The following RYR2 variants were observed in gnomAD, a reference collection of about 807,000 sequenced individuals.
The protein encoded by RYR2 is cardiac muscle ryanodine receptor-calcium release channel.
A neutral mutation model predicts 601.1 loss-of-function variants in RYR2; 227 were observed. The ratio of observed to expected loss-of-function variants is 0.38; its 90% confidence interval spans 0.34 to 0.42. The LOEUF is 0.42. Ranked by LOEUF, RYR2 falls within the 10% of genes least tolerant of loss-of-function variation. The pLI, the probability that RYR2 is intolerant of heterozygous loss-of-function variation, is 1.00. For missense variants in RYR2, 4,646 were observed against 6,156.5 expected, an observed-to-expected ratio of 0.75 and a Z score of 8.21; for synonymous variants, 2,223 against 2,175.1, an observed-to-expected ratio of 1.02 and a Z score of -0.61.
At chr1:237,454,603 T>C in intron 15 of RYR2, 29 bp downstream of exon 15, 1 of 1,601,980 alleles carries the variant, frequency 6.2e-7, no homozygotes, top group Non-Finnish European at 8.5e-7. Flanking sequence ...TCATTTCTCT[T>C]CTGTTATTCT....
At chr1:237,827,869 G>A (rs1278747269) in intron 101 of RYR2, among the ~76,000 whole-genome samples, 6 of 146,840 alleles carry the variant, frequency 4.1e-5, no homozygotes, top group Admixed American at 2.7e-4. Flanking sequence ...CCCGGGAGGC[G>A]GAGCTTGCAG....
chr1:237,158,840 C>T (rs1675684694), intron 1 of RYR2, among the ~76,000 whole-genome samples: 1 of 152,036 alleles, frequency 6.6e-6, no homozygotes, highest in African/African-American at 2.4e-5. Context: ...AGACTGAGGC[C>T]CATAGTCTCT....
chr1:237,508,787 G>A (rs1665547045), intron 23 of RYR2, among the ~76,000 whole-genome samples: 1 of 131,176 alleles, frequency 7.6e-6, no homozygotes, highest in Non-Finnish European at 1.5e-5. Context: ...CTGTCGCCCA[G>A]GCTGGAGTGC....
chr1:237,484,929 A>G (rs1662518170), intron 17 of RYR2, among the ~76,000 whole-genome samples: 1 of 152,234 alleles, frequency 6.6e-6, no homozygotes. Flanking sequence ...TCGGGAGAAC[A>G]TAAATAATTC....
At chr1:237,247,222 G>C (rs763025329) in intron 1 of RYR2, among the ~76,000 whole-genome samples, 3 of 152,186 alleles carry the variant, frequency 2.0e-5, no homozygotes, top group Admixed American at 2.0e-4. Context: ...TCTCGACACT[G>C]TGAAATAGCT....
intron 73 of RYR2, among the ~76,000 whole-genome samples, chr1:237,719,198 A>C (rs913841781): frequency 1.3e-5 from 2 of 152,190 alleles, no homozygotes; most frequent in African/African-American, 4.8e-5. Flanking sequence ...TGGAGGTTGC[A>C]GTGAACCAAG....
chr1:237,623,389 T>TCTTTCTTTCTTTATTTC (rs1349118067), intron 38 of RYR2, among the ~76,000 whole-genome samples: 1 of 132,490 alleles, frequency 7.5e-6, no homozygotes, highest in Non-Finnish European at 1.6e-5. Flanking sequence ...CTTTCTTTTT[T>TCTTTCTTTCTTTATTTC]TTTTTTTTTT....
At chr1:237,740,470 A>C (rs558649113) in intron 79 of RYR2, among the ~76,000 whole-genome samples, 1 of 152,224 alleles carries the variant, frequency 6.6e-6, no homozygotes, top group Non-Finnish European at 1.5e-5. Flanking sequence ...ATACTTTTTT[A>C]TTAAAAATTT....
At chr1:237,430,566 A>C (rs1706706264) in intron 12 of RYR2, among the ~76,000 whole-genome samples, 1 of 151,354 alleles carries the variant, frequency 6.6e-6, no homozygotes, top group South Asian at 2.1e-4. Flanking sequence ...ATATGAAGAC[A>C]GAGAGAAATT....
intron 58 of RYR2, among the ~76,000 whole-genome samples, 157 bp from the exon 59 acceptor site, chr1:237,673,939 A>G (rs1047544929): frequency 6.6e-6 from 1 of 152,240 alleles, no homozygotes; most frequent in African/African-American, 2.4e-5. Flanking sequence ...GAATTAATTG[A>G]AACATTAAAG....
chr1:237,238,498 G>A (rs1045424914), intron 1 of RYR2, among the ~76,000 whole-genome samples: 1 of 152,130 alleles, frequency 6.6e-6, no homozygotes, highest in African/African-American at 2.4e-5. Context: ...TGTGTCATGG[G>A]CCTTGGTTAC....
chr1:237,825,009 A>C (rs1304212105), intron 101 of RYR2, among the ~76,000 whole-genome samples: 1 of 152,218 alleles, frequency 6.6e-6, no homozygotes, highest in Non-Finnish European at 1.5e-5. Flanking sequence ...TTGAGGAAAT[A>C]AGAGAGAACA....
Position 237,726,470 on chromosome 1 carries a change from T to G in RYR2, c.10725+162T>G, listed in dbSNP as rs375598362. The stretch of plus-strand genomic sequence containing the variant: ...GCATCATTTATTGCAACTTTTGAAT[T>G]TATATTTGTCCCTATCTAACAAAAT... On this transcript the variant is annotated intron_variant, in intron 75 of 104. Coordinates refer to ENST00000366574, the MANE Select transcript of RYR2 (RefSeq NM_001035.3). 5.9e-5 allele frequency among the ~76,000 whole-genome samples: 9 copies of G among 152,238 alleles called. No homozygotes were observed. The East Asian group carries it at 1.5e-3, about 26-fold the overall frequency.
chr1:237,571,400 C>T (rs1159610406), intron 29 of RYR2, among the ~76,000 whole-genome samples: 2 of 151,246 alleles, frequency 1.3e-5, no homozygotes, highest in South Asian at 2.1e-4. Flanking sequence ...CTGCAACCTC[C>T]GCCTCCCAGG....
chr1:237,713,673 A>T (rs1037712881), intron 71 of RYR2, among the ~76,000 whole-genome samples: 8 of 152,036 alleles, frequency 5.3e-5, no homozygotes, highest in African/African-American at 1.9e-4. Context: ...CCTGGATTGC[A>T]CTCCAGCCTA....
At position 237,456,742 on chromosome 1, in the gene RYR2, A is replaced by C. The variant is rs371061260; in HGVS notation, c.1612+7A>C. The C allele has an allele frequency of 3.1e-6, 5 of 1,613,424 alleles. No homozygotes were observed. Among genetic ancestry groups the C allele is most frequent in the Non-Finnish European group, 4.2e-6 (5 of 1,179,572 alleles). On this transcript the variant is annotated splice_region_variant and intron_variant, in intron 16 of 104. Coordinates refer to ENST00000366574, the MANE Select transcript of RYR2 (RefSeq NM_001035.3). ...TCTCTGTATGAGTTGCTGGGTAAGA[A>C]GCATGATTGGGTTCATAGCAACAGA...
At chr1:237,134,125 T>C (rs890949088) in intron 1 of RYR2, among the ~76,000 whole-genome samples, 2 of 152,104 alleles carry the variant, frequency 1.3e-5, no homozygotes, top group African/African-American at 4.8e-5. Context: ...TTGGAGGACA[T>C]TGGGCAGCTT....
intron 1 of RYR2, among the ~76,000 whole-genome samples, chr1:237,145,808 G>A (rs1208749008): frequency 6.6e-6 from 1 of 152,208 alleles, no homozygotes; most frequent in Non-Finnish European, 1.5e-5. Flanking sequence ...ATGATTGTTA[G>A]CCTGAAAATA....
rs1668653804 is a variant in RYR2 at position 237,106,133 on chromosome 1, T to TG, written c.48+63564_48+63565insG. On this transcript the variant is annotated intron_variant, in intron 1 of 104. Transcript: ENST00000366574. This position sits in a 1 kb window ranked among gnomAD's most constrained non-coding sequence, Gnocchi z 4.4. Reference sequence around the variant, plus strand: ...GAGAGGACTGGGCTCTTGCTATTACTTTTAGCCATATGGGAGTCATTGCAA... The same window carrying TG: ...GAGAGGACTGGGCTCTTGCTATTACTGTTTAGCCATATGGGAGTCATTGCAA... 6.6e-6 allele frequency among the ~76,000 whole-genome samples: 1 copy of TG among 152,148 alleles called. No individual in the cohort carries two copies. The highest frequency in any genetic ancestry group is 1.5e-5 in the Non-Finnish European group (1 of 68,014).
Sources: allele counts gnomAD v4.1 joint callset (sites outside exome capture counted in the v4.1 genomes callset), GRCh38; gene constraint gnomAD v4.1.1; non-coding constraint Gnocchi (gnomAD v3.1); transcripts MANE v1.5; gene names NCBI Gene and HGNC (gene_info 2026-07-23, HGNC 2026-07-21).